PDCD1LG2: variants seen among roughly 807,000 people sequenced by gnomAD.
PDCD1LG2 encodes programmed cell death 1 ligand 2, also known as B7 dendritic cell molecule.
A neutral mutation model predicts 28.2 loss-of-function variants in PDCD1LG2; 32 were observed. That is an observed-to-expected ratio of 1.13 (90% confidence interval 0.86 to 1.52). PDCD1LG2 has a LOEUF of 1.52. PDCD1LG2 is among the 40% of genes most tolerant of loss of function. PDCD1LG2 has a pLI of 0.00. For missense variants in PDCD1LG2, 385 were observed against 323.8 expected (o/e 1.19, Z -1.45); for synonymous variants, 116 against 120.2 (o/e 0.97, Z 0.23).
In PDCD1LG2 at chr9:5,563,915, T is replaced by C. The variant is rs1034470493; in HGVS notation, c.816+704T>C. Among the ~76,000 whole-genome samples, 2 of 152,320 alleles carry C rather than the reference T, an allele frequency of 1.3e-5. 1 individual carries two copies. Among genetic ancestry groups the C allele is most frequent in the South Asian group, 4.1e-4 (2 of 4,828 alleles). On this transcript the variant is annotated intron_variant, in intron 6 of 6. Coordinates refer to ENST00000397747, the MANE Select transcript of PDCD1LG2 (RefSeq NM_025239.4). ...TGAAGCCAACCTACATCATGGGAGA[T>C]AATCAGCTTTACTTCAAGTTAACTG...
chr9:5,541,597 G>C (rs1484946212), intron 3 of PDCD1LG2, among the ~76,000 whole-genome samples: 1 of 151,818 alleles, frequency 6.6e-6, no homozygotes, highest in Non-Finnish European at 1.5e-5. Flanking sequence ...AAAATACTTA[G>C]GAATATACCT....
intron 3 of PDCD1LG2, among the ~76,000 whole-genome samples, chr9:5,546,789 TG>T (rs1422840712): frequency 2.6e-5 from 4 of 152,242 alleles, no homozygotes; most frequent in Admixed American, 1.3e-4. Context: ...ATGTATTATA[TG>T]TATTATGTAT....
chr9:5,544,332 G>A (rs1820750594), intron 3 of PDCD1LG2, among the ~76,000 whole-genome samples: 1 of 152,216 alleles, frequency 6.6e-6, no homozygotes, highest in African/African-American at 2.4e-5. Context: ...ATGGAGCCCA[G>A]GGATTAAAGT....
At position 5,515,922 on chromosome 9, in the gene PDCD1LG2, C is replaced by CAAAA. The variant is rs1204038026; in HGVS notation, c.-15+5143_-15+5146dup. Reference sequence around the variant, plus strand: ...TGGGTGAGAGAGCAAGACTCCATCTCAAAAAAAAAAAAAAAAAAAAAAAAA... The same window carrying CAAAA: ...TGGGTGAGAGAGCAAGACTCCATCTCAAAAAAAAAAAAAAAAAAAAAAAAAAAAA... On this transcript the variant is annotated intron_variant, in intron 1 of 6. Transcript: ENST00000397747. 4.7e-3 allele frequency among the ~76,000 whole-genome samples: 142 copies of CAAAA among 30,298 alleles called. 13 individuals carry two copies. Among genetic ancestry groups the CAAAA allele is most frequent in the African/African-American group, 0.016 (129 of 8,302 alleles). 19.9% of individuals were successfully genotyped at this position (30,298 alleles called of 152,430 possible).
chr9:5,549,382 G>T lies in PDCD1LG2; in HGVS notation c.409G>T (p.Asp137Tyr). The T allele has an allele frequency of 6.2e-7, 1 of 1,614,154 alleles. No individual in the cohort carries two copies. The highest frequency in any genetic ancestry group is 8.5e-7 in the Non-Finnish European group (1 of 1,180,012). Reference sequence around the variant, plus strand: ...TCACATCCTAAAGGTTCCAGAAACAGATGAGGTAGAGCTCACCTGCCAGGC... The same window carrying T: ...TCACATCCTAAAGGTTCCAGAAACATATGAGGTAGAGCTCACCTGCCAGGC... ...NTHILKVPET[D>Y]EVELTCQATG... Residue 137 changes from aspartate to tyrosine, a missense_variant, in exon 4 of 7, where the codon GAT becomes TAT. Asp to Tyr is a radical substitution (Grantham distance 160). Coordinates refer to ENST00000397747, the MANE Select transcript of PDCD1LG2 (RefSeq NM_025239.4).
At chr9:5,540,885 C>T (rs1454773931) in intron 3 of PDCD1LG2, among the ~76,000 whole-genome samples, 1 of 152,086 alleles carries the variant, frequency 6.6e-6, no homozygotes, top group African/African-American at 2.4e-5. Flanking sequence ...CACCCTAATA[C>T]AAAAACCAGG....
At chr9:5,553,962 G>C (rs991155561) in intron 4 of PDCD1LG2, among the ~76,000 whole-genome samples, 10 of 152,036 alleles carry the variant, frequency 6.6e-5, no homozygotes, top group African/African-American at 2.4e-4. Context: ...TCTTTGCTCA[G>C]GTTTTTCCAC....
chr9:5,512,191 A>C (rs1820073666), intron 1 of PDCD1LG2, among the ~76,000 whole-genome samples: 1 of 152,178 alleles, frequency 6.6e-6, no homozygotes, highest in South Asian at 2.1e-4. Flanking sequence ...CATATGTCTT[A>C]ATTGTTGCAT....
rs1177284654 is a variant in PDCD1LG2 at position 5,522,514 on chromosome 9, TTTCAA to T, written c.-14-16_-14-12del. On this transcript the variant is annotated splice_polypyrimidine_tract_variant and intron_variant, in intron 1 of 6. Coordinates refer to ENST00000397747, the MANE Select transcript of PDCD1LG2 (RefSeq NM_025239.4). ...GCAAAGTTTCACAAGGCCCTGAGACTTTCAATTGTCTATTTCAGATCAAATACAGA... is the reference window on the plus strand; with the variant it reads ...GCAAAGTTTCACAAGGCCCTGAGACTTTGTCTATTTCAGATCAAATACAGA... The T allele has an allele frequency of 6.2e-7, 1 of 1,603,182 alleles. No individual in the cohort carries two copies. Among genetic ancestry groups the T allele is most frequent in the Non-Finnish European group, 8.5e-7 (1 of 1,172,870 alleles).
intron 1 of PDCD1LG2, among the ~76,000 whole-genome samples, chr9:5,513,507 G>T (rs1337845908): frequency 6.6e-6 from 1 of 152,156 alleles, no homozygotes; most frequent in Non-Finnish European, 1.5e-5. Context: ...TTTCTTAGAG[G>T]AAACCCTCTA....
At chr9:5,535,957 G>A (rs930836880) in intron 3 of PDCD1LG2, among the ~76,000 whole-genome samples, 1 of 152,202 alleles carries the variant, frequency 6.6e-6, no homozygotes, top group African/African-American at 2.4e-5. Flanking sequence ...AGGCTTGAAT[G>A]CTCTGAGATA....
chr9:5,526,502 A>G (rs1055243848), intron 2 of PDCD1LG2, among the ~76,000 whole-genome samples: 2 of 152,282 alleles, frequency 1.3e-5, no homozygotes, highest in East Asian at 3.9e-4. Context: ...CAGTGGCCCA[A>G]CCACAGCTCA....
intron 3 of PDCD1LG2, among the ~76,000 whole-genome samples, chr9:5,543,124 C>T (rs993077218): frequency 2.6e-5 from 4 of 152,054 alleles, no homozygotes; most frequent in African/African-American, 9.7e-5. Flanking sequence ...GAATGTAAAA[C>T]CAAACATTGT....
chr9:5,564,152 C>T (rs1295043564), intron 6 of PDCD1LG2, among the ~76,000 whole-genome samples: 1 of 152,094 alleles, frequency 6.6e-6, no homozygotes, highest in African/African-American at 2.4e-5. Context: ...AGTAAGTAAC[C>T]AACTACTATT....
chr9:5,546,552 T>C (rs1286894855), intron 3 of PDCD1LG2, among the ~76,000 whole-genome samples: 1 of 152,176 alleles, frequency 6.6e-6, no homozygotes, highest in East Asian at 1.9e-4. Context: ...GTCAAGTCCT[T>C]CAGTAGGCTG....
intron 3 of PDCD1LG2, among the ~76,000 whole-genome samples, chr9:5,547,998 T>C (rs1294988019): frequency 6.8e-6 from 1 of 147,380 alleles, no homozygotes; most frequent in Non-Finnish European, 1.5e-5. Flanking sequence ...CACCAAGTTG[T>C]TTTTTTGTGG....
Position 5,549,319 on chromosome 9 carries a change from C to A in PDCD1LG2, c.362-16C>A. ...AGAAAATAAAGTCTTATTTCTTTTT[C>A]TTCTCTATTGTCCAGCTTCCTACAG... On this transcript the variant is annotated splice_polypyrimidine_tract_variant and intron_variant, in intron 3 of 6. Transcript: ENST00000397747. 1.9e-6 allele frequency: 3 copies of A among 1,590,660 alleles called. No homozygotes were observed. Among genetic ancestry groups the A allele is most frequent in the Non-Finnish European group, 2.6e-6 (3 of 1,165,964 alleles).
Position 5,569,860 on chromosome 9 carries a change from T to TA in PDCD1LG2, c.817-87dup, listed in dbSNP as rs1335991518. On this transcript the variant is annotated intron_variant, in intron 6 of 6. Transcript: ENST00000397747. This position sits in a 1 kb window ranked among gnomAD's most constrained non-coding sequence, Gnocchi z 4.1. ...CGGCTTCCAGCTAGATGAACTTTTT[T>TA]AAAAAAATTAGTTCCTCACTCAAAT... 4 of 1,325,476 alleles carry TA rather than the reference T, an allele frequency of 3.0e-6. No homozygotes were observed. Among genetic ancestry groups the TA allele is most frequent in the East Asian group, 4.6e-5 (2 of 43,276 alleles). 82.1% of individuals were successfully genotyped at this position (1,325,476 alleles called of 1,614,324 possible). A position where few individuals can be genotyped will look rare whatever the true frequency, so the allele number is the denominator to read the frequency against.
chr9:5,534,727 A>C lies in PDCD1LG2; in HGVS notation c.56-18A>C, dbSNP rs2274917. On this transcript the variant is annotated intron_variant, in intron 2 of 6. Coordinates refer to ENST00000397747, the MANE Select transcript of PDCD1LG2 (RefSeq NM_025239.4). ...AAGTAAAGGCAGACAATGACAAAAT[A>C]TCTTGTTTTCTTTTCAGCTTTATTC... is the stretch of plus-strand genomic sequence containing the variant. 6.4e-7 allele frequency: 1 copy of C among 1,572,434 alleles called. No homozygotes were observed. Among genetic ancestry groups the C allele is most frequent in the African/African-American group, 1.4e-5 (1 of 73,784 alleles).
Sources: allele counts gnomAD v4.1 joint callset (sites outside exome capture counted in the v4.1 genomes callset), GRCh38; gene constraint gnomAD v4.1.1; non-coding constraint Gnocchi (gnomAD v3.1); transcripts MANE v1.5; gene names NCBI Gene and HGNC (gene_info 2026-07-23, HGNC 2026-07-21).